WWOX: variants seen among roughly 807,000 people sequenced by gnomAD.
The protein encoded by WWOX is WW domain containing oxidoreductase.
WWOX carries 69 observed loss-of-function variants against 46.2 expected under a neutral mutation model. The observed-to-expected ratio is 1.49, with a 90% CI of 1.23 to 1.82. The LOEUF (loss-of-function observed/expected upper bound fraction) is 1.82. Among genes scored for constraint, WWOX ranks in the 40% most tolerant of loss-of-function variants. The pLI, the probability that WWOX is intolerant of heterozygous loss-of-function variation, is 0.00. For missense variants in WWOX, 919 were observed against 542.6 expected (o/e 1.69, Z -6.89); for synonymous variants, 359 against 202.6 (o/e 1.77, Z -6.56).
In WWOX at chr16:78,709,525, G is replaced by C. The variant is rs529757549; in HGVS notation, c.1056+276773G>C. Among the ~76,000 whole-genome samples the C allele has an allele frequency of 2.0e-5, 3 of 152,208 alleles. No individual in the cohort carries two copies. The South Asian group carries it at 6.2e-4, about 32-fold the overall frequency. ...GCCCTCTCAATCTGATAGACGGTGT[G>C]CCTCTTCTCTTCATTAGAACATCTT... On this transcript the variant is annotated intron_variant, in intron 8 of 8. Transcript: ENST00000566780.
At chr16:79,201,029 T>C (rs2051338683) in intron 8 of WWOX, among the ~76,000 whole-genome samples, 1 of 152,204 alleles carries the variant, frequency 6.6e-6, no homozygotes, top group Non-Finnish European at 1.5e-5. Context: ...CCAAATGTTA[T>C]CACTCATCCT....
At chr16:78,235,537 G>C (rs2037407025) in intron 5 of WWOX, among the ~76,000 whole-genome samples, 2 of 152,296 alleles carry the variant, frequency 1.3e-5, no homozygotes, top group South Asian at 4.1e-4. Flanking sequence ...CCCTGACCTT[G>C]TCTCTAGCTC....
chr16:78,543,416 G>A (rs2667643), intron 8 of WWOX, among the ~76,000 whole-genome samples: 1 of 152,174 alleles, frequency 6.6e-6, no homozygotes, highest in Non-Finnish European at 1.5e-5. Flanking sequence ...ACAGCGAGAA[G>A]GATTAAGAGG....
chr16:79,073,587 C>T (rs980900823), intron 8 of WWOX, among the ~76,000 whole-genome samples: 2 of 152,162 alleles, frequency 1.3e-5, no homozygotes, highest in Admixed American at 6.5e-5. Flanking sequence ...GTGTTGCAGA[C>T]ACTGCTGAGT....
chr16:78,550,019 C>T (rs146275634), intron 8 of WWOX, among the ~76,000 whole-genome samples: 45 of 152,300 alleles, frequency 3.0e-4, no homozygotes, highest in Admixed American at 2.4e-3. Context: ...GTTGAAAACA[C>T]GCAATACACA....
intron 8 of WWOX, among the ~76,000 whole-genome samples, chr16:78,870,120 G>A (rs925514364): frequency 6.6e-6 from 1 of 152,152 alleles, no homozygotes; most frequent in Non-Finnish European, 1.5e-5. Context: ...TGCTCTGACA[G>A]GGCATGACTC....
At chr16:78,291,374 C>G (rs1372472087) in intron 5 of WWOX, among the ~76,000 whole-genome samples, 1 of 152,136 alleles carries the variant, frequency 6.6e-6, no homozygotes. Flanking sequence ...ATTGGCTGAA[C>G]ATGTTCTATA....
intron 8 of WWOX, among the ~76,000 whole-genome samples, chr16:78,609,996 A>G (rs757933282): frequency 6.8e-6 from 1 of 146,856 alleles, no homozygotes; most frequent in Non-Finnish European, 1.5e-5. Context: ...CAGTGACGCA[A>G]ACGACCTTTA....
chr16:78,722,518 T>G (rs2048717354), intron 8 of WWOX, among the ~76,000 whole-genome samples: 1 of 152,116 alleles, frequency 6.6e-6, no homozygotes, highest in South Asian at 2.1e-4. Flanking sequence ...TATGATCATA[T>G]TTTATTTCAT....
At chr16:78,430,731 G>C (rs2151383944) in intron 7 of WWOX, among the ~76,000 whole-genome samples, 2 of 152,252 alleles carry the variant, frequency 1.3e-5, no homozygotes, top group Middle Eastern at 6.8e-3. Flanking sequence ...CTGTATCCTT[G>C]ATGACGTTTC....
chr16:78,966,159 T>G (rs2046359854), intron 8 of WWOX, among the ~76,000 whole-genome samples: 1 of 152,202 alleles, frequency 6.6e-6, no homozygotes, highest in African/African-American at 2.4e-5. Flanking sequence ...TTAAATCCCA[T>G]GATATAATTT....
chr16:78,681,776 C>T (rs978492533), intron 8 of WWOX, among the ~76,000 whole-genome samples: 1 of 152,172 alleles, frequency 6.6e-6, no homozygotes, highest in Non-Finnish European at 1.5e-5. Context: ...GACTCTGTGG[C>T]GTACTATCTA....
intron 8 of WWOX, among the ~76,000 whole-genome samples, chr16:78,579,880 C>A (rs1001179730): frequency 8.5e-5 from 13 of 152,120 alleles, no homozygotes; most frequent in Admixed American, 3.9e-4. Flanking sequence ...CTCACTGGAA[C>A]CCAAGCAAAG....
chr16:78,719,710 A>G (rs888468640), intron 8 of WWOX, among the ~76,000 whole-genome samples: 1 of 152,218 alleles, frequency 6.6e-6, no homozygotes, highest in African/African-American at 2.4e-5. Flanking sequence ...TATTAGTAAC[A>G]TTTGTAATTT....
At chr16:78,657,164 C>T (rs1051780553) in intron 8 of WWOX, among the ~76,000 whole-genome samples, 1 of 152,184 alleles carries the variant, frequency 6.6e-6, no homozygotes, top group African/African-American at 2.4e-5. Flanking sequence ...GTGTCCTGCT[C>T]ATCACTGAGG....
chr16:78,603,939 C>G lies in WWOX; in HGVS notation c.1056+171187C>G, dbSNP rs556356957. On this transcript the variant is annotated intron_variant, in intron 8 of 8. Coordinates refer to ENST00000566780, the MANE Select transcript of WWOX (RefSeq NM_016373.4). ...GGAGGATTGCTTGAGCCTAGGAGTT[C>G]AAGATCAGCCTGGGTAACATAGGGA... 2.3e-3 allele frequency among the ~76,000 whole-genome samples: 356 copies of G among 152,034 alleles called. 5 individuals carry two copies. Among genetic ancestry groups the G allele is most frequent in the Middle Eastern group, 0.017 (5 of 294 alleles).
Position 78,321,440 on chromosome 16 carries a change from A to G in WWOX, c.517-65420A>G, listed in dbSNP as rs529214106. Among the ~76,000 whole-genome samples, 25 of 148,370 alleles carry G rather than the reference A, an allele frequency of 1.7e-4. 1 individual carries two copies. In the South Asian group the frequency reaches 4.4e-3, roughly 26 times the overall value. On this transcript the variant is annotated intron_variant, in intron 5 of 8. Transcript: ENST00000566780. ...TGTGTGTATATATATATATAAAAAT[A>G]TATTTAAATAATGTTAAGGCTAGAG...
At chr16:79,108,783 C>T (rs990497721) in intron 8 of WWOX, among the ~76,000 whole-genome samples, 1 of 151,934 alleles carries the variant, frequency 6.6e-6, no homozygotes, top group South Asian at 2.1e-4. Context: ...TGCCTGTAAT[C>T]CTAGCTACTT....
At chr16:79,195,944 A>G (rs533779493) in intron 8 of WWOX, among the ~76,000 whole-genome samples, 2 of 152,310 alleles carry the variant, frequency 1.3e-5, no homozygotes, top group African/African-American at 4.8e-5. Flanking sequence ...AAATTTGGTT[A>G]TCTCAGGTGG....
Sources: gnomAD v4.1 joint callset for allele counts (sites outside exome capture counted in the v4.1 genomes callset) on GRCh38, gnomAD v4.1.1 for gene constraint, MANE v1.5 for transcripts, NCBI Gene and HGNC (gene_info 2026-07-23, HGNC 2026-07-21) for gene names.